The following ZC3H13 variants were observed in gnomAD, a reference collection of about 807,000 sequenced individuals.
ZC3H13 encodes zinc finger CCCH-type containing 13, also known as zinc finger CCCH domain-containing protein 13.
In ZC3H13, 64 loss-of-function variants were observed where a neutral mutation model predicts 204.1. That is an observed-to-expected ratio of 0.31 (90% CI 0.26 to 0.39). The LOEUF is 0.39. Ranked by LOEUF, ZC3H13 falls within the 10% of genes least tolerant of loss-of-function variation. The pLI, the probability that ZC3H13 is intolerant of heterozygous loss-of-function variation, is 1.00. For synonymous variants in ZC3H13, 667 were observed against 693.7 expected, an observed-to-expected ratio of 0.96 and a Z score of 0.60; for missense variants, 1,833 against 2,082.7, an observed-to-expected ratio of 0.88 and a Z score of 2.33.
In ZC3H13 at chr13:45,978,099, G is replaced by A. The variant is rs182108787; in HGVS notation, c.1912+1714C>T. Among the ~76,000 whole-genome samples, 1,329 of 152,088 alleles carry A rather than the reference G, an allele frequency of 8.7e-3. 12 individuals are homozygous for A. The highest frequency in any genetic ancestry group is 0.014 in the Non-Finnish European group (942 of 67,940). ...TTCTATAGTTTCCTTTTATTCTTCAGGCCCTAATTCAGATGTCACTTCTTT... is the reference window on the plus strand; with the variant it reads ...TTCTATAGTTTCCTTTTATTCTTCAAGCCCTAATTCAGATGTCACTTCTTT... On this transcript the variant is annotated intron_variant, in intron 11 of 18. Coordinates refer to ENST00000679008, the MANE Select transcript of ZC3H13 (RefSeq NM_001330564.2).
rs138056402 is a variant in ZC3H13, at chr13:46,026,056, T to C, written c.340-5499A>G. The stretch of plus-strand genomic sequence containing the variant: ...CACAGATCTGCAGTTTCAGATCCTT[T>C]CAATATTATAGAAACAAAGAGAGTA... On this transcript the variant is annotated intron_variant, in intron 4 of 18. Transcript: ENST00000679008. Among the ~76,000 whole-genome samples, 50 of 152,214 alleles carry C rather than the reference T, an allele frequency of 3.3e-4. No individual in the cohort carries two copies. In the East Asian group the frequency reaches 8.9e-3, roughly 27 times the overall value.
At position 45,967,552 on chromosome 13, in the gene ZC3H13, G is replaced by T. The variant is rs1416705043; in HGVS notation, c.4273C>A (p.Gln1425Lys). Reference sequence around the variant, plus strand: ...GATTTATTTGTTTCTTCAAATCCCTGCACAGATCCCAGATCTTTATCCATT... The same window carrying T: ...GATTTATTTGTTTCTTCAAATCCCTTCACAGATCCCAGATCTTTATCCATT... ...ERMDKDLGSV[Q>K]GFEETNKSER... The change falls in exon 15 of 19, where the codon CAG becomes AAG. Residue 1425 changes from glutamine (Q) to lysine (K), a missense_variant. Gln to Lys is a moderately conservative substitution (Grantham distance 53, BLOSUM62 1). Transcript: ENST00000679008. 6.2e-7 allele frequency: 1 copy of T among 1,605,114 alleles called. No individual in the cohort carries two copies. Among genetic ancestry groups the T allele is most frequent in the Admixed American group, 1.7e-5 (1 of 58,806 alleles).
At chr13:46,030,238 A>G (rs1284342255) in intron 4 of ZC3H13, among the ~76,000 whole-genome samples, 1 of 152,244 alleles carries the variant, frequency 6.6e-6, no homozygotes, top group Non-Finnish European at 1.5e-5. Context: ...CAACTTGATA[A>G]AGATCATCTA....
At chr13:45,973,498 C>T (rs979300435) in intron 12 of ZC3H13, among the ~76,000 whole-genome samples, 2 of 152,124 alleles carry the variant, frequency 1.3e-5, no homozygotes, top group Non-Finnish European at 2.9e-5. Flanking sequence ...ATACAGGTTG[C>T]GTATCCCTTA....
chr13:45,977,550 T>C (rs903781494), intron 11 of ZC3H13, among the ~76,000 whole-genome samples: 2 of 152,176 alleles, frequency 1.3e-5, no homozygotes, highest in Non-Finnish European at 2.9e-5. Context: ...TCTACTTACA[T>C]ATTTCCTTAT....
intron 8 of ZC3H13, among the ~76,000 whole-genome samples, chr13:45,997,902 C>T (rs1410124838): frequency 6.6e-6 from 1 of 152,166 alleles, no homozygotes; most frequent in South Asian, 2.1e-4. Context: ...TACACACACA[C>T]ACCCCATCAC....
At chr13:46,023,265 T>C (rs766386553) in intron 4 of ZC3H13, among the ~76,000 whole-genome samples, 35 of 152,188 alleles carry the variant, frequency 2.3e-4, no homozygotes, top group Admixed American at 5.9e-4. Context: ...AAATCTTAGC[T>C]CTGTGCTGTT....
At chr13:46,006,274 GCCA>G in intron 7 of ZC3H13, among the ~76,000 whole-genome samples, 1 of 151,794 alleles carries the variant, frequency 6.6e-6, no homozygotes, top group Admixed American at 6.6e-5. Context: ...CTGCTGCCCC[GCCA>G]CCAAGTTGTC....
chr13:46,017,869 G>T (rs917208206), intron 5 of ZC3H13, among the ~76,000 whole-genome samples: 1 of 152,012 alleles, frequency 6.6e-6, no homozygotes, highest in Non-Finnish European at 1.5e-5. Context: ...AAATCACAGA[G>T]ATACACAATG....
chr13:46,037,210 TACC>T (rs1236209800), intron 4 of ZC3H13, among the ~76,000 whole-genome samples: 15 of 152,316 alleles, frequency 9.8e-5, no homozygotes, highest in African/African-American at 3.6e-4. Context: ...ATGTGTATTT[TACC>T]ACAATAAAAA....
chr13:46,026,874 C>A (rs1277662929), intron 4 of ZC3H13, among the ~76,000 whole-genome samples: 1 of 151,754 alleles, frequency 6.6e-6, no homozygotes, highest in Admixed American at 6.6e-5. Context: ...AATTCAACAA[C>A]AACAAAAAAA....
intron 3 of ZC3H13, among the ~76,000 whole-genome samples, chr13:46,043,527 AGAAT>A (rs898261109): frequency 6.6e-6 from 1 of 151,972 alleles, no homozygotes; most frequent in Non-Finnish European, 1.5e-5. Context: ...AGCACCCAAC[AGAAT>A]GAATGTTTTA....
At chr13:45,964,354 T>C (rs1307866624) in intron 16 of ZC3H13, among the ~76,000 whole-genome samples, 1 of 152,218 alleles carries the variant, frequency 6.6e-6, no homozygotes, top group Non-Finnish European at 1.5e-5. Flanking sequence ...TCTGATCTTT[T>C]GAAACTTGGT....
At chr13:46,023,229 C>G (rs2042328860) in intron 4 of ZC3H13, among the ~76,000 whole-genome samples, 1 of 152,112 alleles carries the variant, frequency 6.6e-6, no homozygotes, top group African/African-American at 2.4e-5. Context: ...TATGGAAGCC[C>G]TCTATTACAA....
chr13:45,962,687 TTCATAAAAC>T (rs1327474058), intron 17 of ZC3H13: 23 of 980,690 alleles, frequency 2.3e-5, no homozygotes, highest in Admixed American at 6.1e-5. Flanking sequence ...AGGGCATGAA[TTCATAAAAC>T]TCATAAAACA....
chr13:45,960,288 G>C (rs1566137185), intron 17 of ZC3H13, among the ~76,000 whole-genome samples: 2 of 152,098 alleles, frequency 1.3e-5, no homozygotes, highest in African/African-American at 4.8e-5. Context: ...CGTTTTTAAA[G>C]GATGTTTTAA....
chr13:46,048,857 G>A (rs1391924964), intron 1 of ZC3H13, among the ~76,000 whole-genome samples: 2 of 152,040 alleles, frequency 1.3e-5, no homozygotes, highest in Admixed American at 6.6e-5. Flanking sequence ...GTGGCCAAGC[G>A]CAGTGACTCA....
At chr13:45,991,495 G>A (rs540238608) in intron 8 of ZC3H13, among the ~76,000 whole-genome samples, 5 of 152,252 alleles carry the variant, frequency 3.3e-5, no homozygotes, top group Admixed American at 2.0e-4. Flanking sequence ...TCTAAGCAAC[G>A]AAACTGTCTT....
rs757125449 is a variant in ZC3H13 at position 45,963,980 on chromosome 13, G to A, written c.4537C>T (p.Arg1513Ter). The change falls in exon 17 of 19, where the codon CGA (arginine) becomes TGA (stop). Residue 1513 changes from arginine to a stop codon, truncating the protein, a stop_gained. Transcript: ENST00000679008. LOFTEE classifies it high-confidence loss of function. ...GLMPKHPKEP[R>*]EPGAALLKFT... The stretch of plus-strand genomic sequence containing the variant: ...TTTAAGAGTGCAGCCCCAGGCTCTC[G>A]TGGTTCTTTTGGATGCTTTGGCATA... 7.4e-6 allele frequency: 12 copies of A among 1,613,976 alleles called. No homozygotes were observed. In the Admixed American group the frequency reaches 1.8e-4, roughly 25 times the overall value.
Sources: allele counts gnomAD v4.1 joint callset (sites outside exome capture counted in the v4.1 genomes callset), GRCh38; gene constraint gnomAD v4.1.1; transcripts MANE v1.5; gene names NCBI Gene and HGNC (gene_info 2026-07-23, HGNC 2026-07-21).